BLTP2: variants seen among roughly 807,000 people sequenced by gnomAD.
The protein encoded by BLTP2 is bridge-like lipid transfer protein family member 2, also known as U937-associated antigen.
chr17:28,642,384 G>A, the BLTP2 span: 34 of 1,520,364 alleles, frequency 2.2e-5, no homozygotes, highest in African/African-American at 2.9e-4. Flanking sequence ...GGGCGCGGTG[G>A]CTCACGCCTG....
the BLTP2 span, chr17:28,644,329 T>C: frequency 5.6e-6 from 5 of 888,982 alleles, no homozygotes; most frequent in Non-Finnish European, 8.5e-6. Flanking sequence ...AGCACCACTC[T>C]GTCATATACA....
At chr17:28,623,625 C>T in the BLTP2 span, 1 of 709,304 alleles carries the variant, frequency 1.4e-6, no homozygotes, top group Non-Finnish European at 2.4e-6. Flanking sequence ...CAGAGATTGC[C>T]CACATTCAAG....
chr17:28,633,494 T>C, the BLTP2 span: 3 of 1,593,566 alleles, frequency 1.9e-6, no homozygotes, highest in South Asian at 1.1e-5. Context: ...ACATGTGCTA[T>C]ACAGACCTCA....
chr17:28,635,815 G>C, the BLTP2 span: 1 of 522,920 alleles, frequency 1.9e-6, no homozygotes, highest in Admixed American at 3.6e-5. Context: ...ACATTTAAGA[G>C]CACTTATACT....
chr17:28,640,406 A>AT, the BLTP2 span: 3 of 768,674 alleles, frequency 3.9e-6, no homozygotes, highest in Non-Finnish European at 2.1e-6. Context: ...AATAATAATA[A>AT]TTTTTTTAAT....
At chr17:28,619,553 A>G in the BLTP2 span, 65 of 1,421,498 alleles carry the variant, frequency 4.6e-5, no homozygotes, top group East Asian at 9.2e-5. Context: ...TCAGCCTTTG[A>G]TAATGCACAC....
the BLTP2 span, chr17:28,619,993 C>T: frequency 6.2e-7 from 1 of 1,613,552 alleles, no homozygotes; most frequent in Non-Finnish European, 8.5e-7. Flanking sequence ...GAACCTGACC[C>T]GTTGCTTCTT....
the BLTP2 span, chr17:28,618,670 C>G: frequency 2.4e-5 from 17 of 721,580 alleles, no homozygotes; most frequent in Non-Finnish European, 3.4e-5. Context: ...ATTAATGATA[C>G]TATCATTAAT....
the BLTP2 span, among the ~76,000 whole-genome samples, chr17:28,627,990 T>A: frequency 1.3e-5 from 2 of 152,150 alleles, no homozygotes; most frequent in Admixed American, 1.3e-4. Flanking sequence ...TTCTCTCTTA[T>A]GGCATTTACC....
chr17:28,621,675 C>A, the BLTP2 span, among the ~76,000 whole-genome samples: 2 of 152,120 alleles, frequency 1.3e-5, no homozygotes, highest in South Asian at 4.1e-4. Flanking sequence ...CATTCTCTTG[C>A]CCCAGTCTAC....
the BLTP2 span, chr17:28,644,239 C>T: frequency 6.3e-7 from 1 of 1,593,446 alleles, no homozygotes. Context: ...TGATGGTTTC[C>T]CTCACCCCTT....
chr17:28,635,308 C>T, the BLTP2 span: 2 of 1,614,224 alleles, frequency 1.2e-6, no homozygotes, highest in Non-Finnish European at 1.7e-6. Flanking sequence ...TCCATGCCGG[C>T]TCAGTGACAC....
At chr17:28,627,580 T>C in the BLTP2 span, among the ~76,000 whole-genome samples, 2 of 152,260 alleles carry the variant, frequency 1.3e-5, no homozygotes, top group South Asian at 2.1e-4. Context: ...CTAATTTTTT[T>C]GTATTTTTAG....
the BLTP2 span, chr17:28,642,574 C>T: frequency 1.6e-5 from 9 of 567,772 alleles, no homozygotes; most frequent in Non-Finnish European, 2.8e-5. Context: ...TGGTCTGAAC[C>T]CAGGAGGCGG....
At chr17:28,624,368 T>C in the BLTP2 span, 1 of 1,613,392 alleles carries the variant, frequency 6.2e-7, no homozygotes. Context: ...TCTCTTCAAT[T>C]AGCTTCTGCA....
chr17:28,635,760 T>G, the BLTP2 span: 3 of 749,946 alleles, frequency 4.0e-6, no homozygotes, highest in Non-Finnish European at 6.3e-6. Flanking sequence ...CCTTGCTTTG[T>G]TCCTGTTAGC....
At chr17:28,632,712 CTTG>C in the BLTP2 span, among the ~76,000 whole-genome samples, 1 of 152,082 alleles carries the variant, frequency 6.6e-6, no homozygotes. Context: ...GAGATAAACG[CTTG>C]TTGTTTATAA....
At chr17:28,639,103 A>C in the BLTP2 span, 1 of 592,344 alleles carries the variant, frequency 1.7e-6, no homozygotes, top group Non-Finnish European at 3.0e-6. Flanking sequence ...CACTACACTG[A>C]GCACCGAGGA....
the BLTP2 span, chr17:28,640,377 A>G: frequency 6.4e-6 from 4 of 620,206 alleles, no homozygotes; most frequent in Admixed American, 1.2e-4. Context: ...TGGGCAACAG[A>G]GCAAGACTCC....
Sources: gnomAD v4.1 joint callset for allele counts (sites outside exome capture counted in the v4.1 genomes callset) on GRCh38, gnomAD v4.1.1 for gene constraint, MANE v1.5 for transcripts, NCBI Gene and HGNC (gene_info 2026-07-23, HGNC 2026-07-21) for gene names.